CDKL5: variants seen among roughly 807,000 people sequenced by gnomAD.
CDKL5 encodes the protein cyclin-dependent kinase-like 5.
A neutral mutation model predicts 61.7 loss-of-function variants in CDKL5; 8 were observed. The ratio of observed to expected loss-of-function variants is 0.13; its 90% CI spans 0.08 to 0.23. CDKL5 has a LOEUF of 0.23. Among genes scored for constraint, CDKL5 ranks in the 10% least tolerant of loss-of-function variants. CDKL5 has a pLI of 1.00. For synonymous variants in CDKL5, 275 were observed against 272.3 expected (o/e 1.01, Z -0.10); for missense variants, 440 against 734.5 (o/e 0.60, Z 4.63).
intron 17 of CDKL5, chrX:18,626,660 C>CT (rs1415036929): frequency 1.2e-5 from 1 of 86,725 alleles, no homozygotes; most frequent in African/African-American, 4.4e-5. Context: ...TACCAAGAAG[C>CT]CCTCTCTCTC....
At chrX:18,615,864 A>C (rs142698367) in intron 15 of CDKL5, among the ~76,000 whole-genome samples, 151 of 112,676 alleles carry the variant, frequency 1.3e-3, no homozygotes, top group African/African-American at 4.6e-3. Context: ...GTTATATTTT[A>C]AAGCAATAAA....
In CDKL5 at chrX:18,595,874, C is replaced by A. The variant is rs1019347643; in HGVS notation, c.825+446C>A. 2.7e-5 allele frequency among the ~76,000 whole-genome samples: 3 copies of A among 112,095 alleles called. No homozygotes were observed. The East Asian group carries it at 8.4e-4, about 31-fold the overall frequency. On this transcript the variant is annotated intron_variant, in intron 10 of 17. Transcript: ENST00000623535. The stretch of plus-strand genomic sequence containing the variant: ...CTCTTCTCTCCCAGACTCTTTCTGG[C>A]TCTACTTTAGACGTATCAGGATCAT...
chrX:18,469,942 A>G (rs181375123), intron 1 of CDKL5, among the ~76,000 whole-genome samples: 32 of 112,326 alleles, frequency 2.8e-4, no homozygotes, highest in Non-Finnish European at 3.6e-4. Flanking sequence ...TTTAATATGT[A>G]TTTTTATGTG....
chrX:18,504,706 C>A (rs745847785), intron 1 of CDKL5, among the ~76,000 whole-genome samples: 6 of 110,319 alleles, frequency 5.4e-5, no homozygotes, highest in African/African-American at 2.0e-4. Flanking sequence ...CCGAGACGGG[C>A]GGATCACGAG....
chrX:18,461,775 T>C (rs1205709217), intron 1 of CDKL5, among the ~76,000 whole-genome samples: 1 of 112,314 alleles, frequency 8.9e-6, no homozygotes, highest in Non-Finnish European at 1.9e-5. Flanking sequence ...GTGCTAGGCA[T>C]CTCCATGTCC....
rs1340976553 is a variant in CDKL5 at position 18,612,677 on chromosome X, GA to G, written c.2153-467del. On this transcript the variant is annotated intron_variant, in intron 14 of 17. Coordinates refer to ENST00000623535, the MANE Select transcript of CDKL5 (RefSeq NM_001323289.2). ...TTAAAAAAAAAAAAAAAGAGAGAGAGAAAAAAAATATAATGTTCTTCACTTT... is the reference window on the plus strand; with the variant it reads ...TTAAAAAAAAAAAAAAAGAGAGAGAGAAAAAAATATAATGTTCTTCACTTT... Among the ~76,000 whole-genome samples the G allele has an allele frequency of 1.2e-4, 13 of 107,055 alleles. No homozygotes were observed. In the South Asian group the frequency reaches 3.3e-3, roughly 27 times the overall value. The allele number at this position is 107,055 out of a possible 115,157, so 93.0% of individuals were successfully genotyped here.
intron 3 of CDKL5, among the ~76,000 whole-genome samples, chrX:18,514,549 A>C (rs1425835408): frequency 9.1e-6 from 1 of 109,384 alleles, no homozygotes; most frequent in Non-Finnish European, 1.9e-5. Context: ...TCTACTAAAA[A>C]TACAAAAATT....
intron 1 of CDKL5, among the ~76,000 whole-genome samples, chrX:18,471,050 A>G (rs946902153): frequency 9.8e-5 from 11 of 112,321 alleles, no homozygotes; most frequent in Non-Finnish European, 2.1e-4. Context: ...TGTACTGTGC[A>G]GGAAAGGGAA....
At chrX:18,461,633 G>A (rs1336935467) in intron 1 of CDKL5, among the ~76,000 whole-genome samples, 3 of 112,097 alleles carry the variant, frequency 2.7e-5, no homozygotes, top group African/African-American at 9.7e-5. Context: ...TACTTTGCCT[G>A]TCAGTGATAT....
intron 1 of CDKL5, among the ~76,000 whole-genome samples, chrX:18,499,545 A>G (rs1218138581): frequency 9.1e-6 from 1 of 109,507 alleles, no homozygotes; most frequent in Non-Finnish European, 1.9e-5. Context: ...GTATTTTTTC[A>G]GTAGAGACAG....
chrX:18,471,093 T>A (rs1239013572), intron 1 of CDKL5, among the ~76,000 whole-genome samples: 1 of 112,235 alleles, frequency 8.9e-6, no homozygotes. Flanking sequence ...CTTGATCAAG[T>A]TCACAAGAGA....
At chrX:18,620,298 G>A (rs1926852400) in intron 16 of CDKL5, among the ~76,000 whole-genome samples, 1 of 112,231 alleles carries the variant, frequency 8.9e-6, no homozygotes, top group African/African-American at 3.2e-5. Context: ...GGGATTTAAA[G>A]ATATGCATAA....
chrX:18,645,089 T>C (rs1186975664), downstream of CDKL5, among the ~76,000 whole-genome samples: 1 of 112,553 alleles, frequency 8.9e-6, no homozygotes, highest in Non-Finnish European at 1.9e-5. Context: ...CACTGACCCA[T>C]GTGGATCTAG....
chrX:18,442,892 T>C (rs1202847108), intron 1 of CDKL5, among the ~76,000 whole-genome samples: 1 of 112,210 alleles, frequency 8.9e-6, no homozygotes, highest in Non-Finnish European at 1.9e-5. Flanking sequence ...ATTTGGTTAC[T>C]CTTAAAATTT....
Position 18,625,357 on chromosome X carries a change from T to C in CDKL5, c.2496+110T>C. The C allele has an allele frequency of 8.3e-6, 7 of 842,889 alleles. No homozygotes were observed. In the East Asian group the frequency reaches 2.2e-4, roughly 27 times the overall value. The allele number at this position is 842,889 out of a possible 1,213,427, so 69.5% of individuals were successfully genotyped here. On this transcript the variant is annotated intron_variant, in intron 17 of 17. Coordinates refer to ENST00000623535, the MANE Select transcript of CDKL5 (RefSeq NM_001323289.2). ...TAGCCTCTCAATGTTACAGTAAGGC[T>C]GAGCACCTCCTCAAAATAGACCCTC...
chrX:18,447,123 TGGG>T (rs916304539), intron 1 of CDKL5, among the ~76,000 whole-genome samples: 2 of 111,098 alleles, frequency 1.8e-5, no homozygotes, highest in African/African-American at 6.6e-5. Context: ...TTGTCACAAT[TGGG>T]GGGTGGTGGT....
In CDKL5 at chrX:18,633,562, T is replaced by C. The variant is rs977700474; in HGVS notation, c.*4805T>C. 4.1e-5 allele frequency: 31 copies of C among 753,426 alleles called. No homozygotes were observed. Among genetic ancestry groups the C allele is most frequent in the Non-Finnish European group, 4.8e-5 (31 of 639,241 alleles). The allele number at this position is 753,426 out of a possible 1,213,427, so 62.1% of individuals were successfully genotyped here. The stretch of plus-strand genomic sequence containing the variant: ...AGAATATCTTGAGGTCTGGTTCAGC[T>C]GATGAAAAATTCTGTCTCAGAAACG... On this transcript the variant is annotated 3_prime_UTR_variant, in exon 18 of 18. Coordinates refer to ENST00000623535, the MANE Select transcript of CDKL5 (RefSeq NM_001323289.2).
rs36022183 is a variant in CDKL5, at chrX:18,653,454, C to T, written c.3003C>T (p.His1001=). The T allele has an allele frequency of 4.4e-3, 5,343 of 1,209,458 alleles. 21 individuals carry two copies. The highest frequency in any genetic ancestry group is 9.1e-3 in the Middle Eastern group (39 of 4,284). ...CAGGGTTCTCTTTCTTCGTGAGACA[C>T]GTTATGAGGGAAGCCCTGATTCACA... The change falls in exon 22 of 22, where the codon CAC becomes CAT. Residue 1001 remains histidine (H), a synonymous_variant. Coordinates refer to the CDKL5 transcript ENST00000379989.
intron 3 of CDKL5, among the ~76,000 whole-genome samples, chrX:18,555,225 A>G (rs1924556139): frequency 9.0e-6 from 1 of 110,864 alleles, no homozygotes. Flanking sequence ...CCCCCAGCCT[A>G]TGTGACAACC....
Sources: allele counts gnomAD v4.1 joint callset (sites outside exome capture counted in the v4.1 genomes callset), GRCh38; gene constraint gnomAD v4.1.1; transcripts MANE v1.5; gene names NCBI Gene and HGNC (gene_info 2026-07-23, HGNC 2026-07-21).